The following CEP128 variants were observed in gnomAD, a reference collection of about 807,000 sequenced individuals.
CEP128 encodes the protein centrosomal protein 128.
Under a neutral mutation model 156.7 loss-of-function variants are expected in CEP128, and 132 were observed. The observed-to-expected ratio is 0.84, with a 90% CI of 0.73 to 0.97. The LOEUF (loss-of-function observed/expected upper bound fraction) is 0.97, where lower values mean the gene tolerates loss of function less well. Ranked by LOEUF, CEP128 falls within the 50% of genes least tolerant of loss-of-function variation. The pLI, the probability that CEP128 is intolerant of heterozygous loss-of-function variation, is 0.00. For synonymous variants in CEP128, 469 were observed against 448.9 expected (o/e 1.04, Z -0.57); for missense variants, 1,252 against 1,281.9 (o/e 0.98, Z 0.36).
chr14:80,618,150 T>C (rs1411363992), intron 19 of CEP128, among the ~76,000 whole-genome samples: 1 of 152,254 alleles, frequency 6.6e-6, no homozygotes, highest in Non-Finnish European at 1.5e-5. Flanking sequence ...CTGTATAAGA[T>C]ACTATGTCAA....
At chr14:80,613,044 C>T (rs538469858) in intron 19 of CEP128, among the ~76,000 whole-genome samples, 1 of 137,644 alleles carries the variant, frequency 7.3e-6, no homozygotes, top group Non-Finnish European at 1.5e-5. Flanking sequence ...TTAGTAGAGA[C>T]GGGGTTTCAC....
At chr14:80,734,578 G>A (rs1000700010) in intron 19 of CEP128, among the ~76,000 whole-genome samples, 31 of 151,938 alleles carry the variant, frequency 2.0e-4, no homozygotes, top group African/African-American at 4.6e-4. Context: ...GGCTGGGCAC[G>A]GTGGCTCACA....
chr14:80,575,680 C>A (rs975570950), intron 20 of CEP128, among the ~76,000 whole-genome samples: 5 of 152,124 alleles, frequency 3.3e-5, no homozygotes, highest in African/African-American at 1.2e-4. Flanking sequence ...TTTATTGCAA[C>A]CTGTCAGGCA....
intron 12 of CEP128, among the ~76,000 whole-genome samples, chr14:80,833,934 T>C (rs1341500942): frequency 1.3e-5 from 2 of 152,156 alleles, no homozygotes; most frequent in Non-Finnish European, 2.9e-5. Context: ...GGATGGAGGA[T>C]GATGCCACAC....
chr14:80,748,946 T>C (rs1472688505), intron 18 of CEP128, among the ~76,000 whole-genome samples: 5 of 152,152 alleles, frequency 3.3e-5, no homozygotes, highest in African/African-American at 1.2e-4. Flanking sequence ...CAAGCATGGC[T>C]GGCTTCACCT....
chr14:80,837,589 TGCCTGTAATCCCA>T (rs900504987), intron 11 of CEP128, among the ~76,000 whole-genome samples: 3 of 152,104 alleles, frequency 2.0e-5, no homozygotes, highest in African/African-American at 7.2e-5. Flanking sequence ...TGGTGGCGCA[TGCCTGTAATCCCA>T]GCTACTGGGA....
chr14:80,485,124 T>C (rs188583766), intron 14 of CEP128, among the ~76,000 whole-genome samples: 6 of 152,242 alleles, frequency 3.9e-5, no homozygotes, highest in Admixed American at 3.3e-4. Flanking sequence ...GTTCAGCCCA[T>C]ATCCAGTAAT....
intron 19 of CEP128, among the ~76,000 whole-genome samples, chr14:80,623,425 AT>A (rs1893575157): frequency 6.6e-6 from 1 of 151,954 alleles, no homozygotes; most frequent in African/African-American, 2.4e-5. Flanking sequence ...TAACCTGCAC[AT>A]TGTGCACATG....
At position 80,505,038 on chromosome 14, in the gene CEP128, C is replaced by G. The variant is rs530212340; in HGVS notation, c.3073-18G>C. On this transcript the variant is annotated intron_variant, in intron 23 of 24. Coordinates refer to ENST00000555265, the MANE Select transcript of CEP128 (RefSeq NM_152446.5). ...CTGTCACCCTAAGGAAAAAAAGGCA[C>G]AGCATTTCAATGATTACACAAGGTA... The G allele has an allele frequency of 1.4e-6, 2 of 1,386,612 alleles. No homozygotes were observed. The highest frequency in any genetic ancestry group is 4.7e-5 in the East Asian group (2 of 42,954). The allele number at this position is 1,386,612 out of a possible 1,614,324, so 85.9% of individuals were successfully genotyped here.
At chr14:80,569,604 C>G (rs1332364241) in intron 20 of CEP128, among the ~76,000 whole-genome samples, 3 of 152,018 alleles carry the variant, frequency 2.0e-5, no homozygotes, top group African/African-American at 7.3e-5. Context: ...CAAATTCTAC[C>G]AACAGAAATT....
intron 13 of CEP128, among the ~76,000 whole-genome samples, chr14:80,811,597 T>C (rs1376433431): frequency 6.6e-6 from 1 of 152,020 alleles, no homozygotes; most frequent in Non-Finnish European, 1.5e-5. Context: ...GAAAATGGCA[T>C]ATATATATAG....
At chr14:80,801,627 G>A (rs68145550) in intron 13 of CEP128, among the ~76,000 whole-genome samples, 14,866 of 151,882 alleles carry the variant, frequency 0.098, 1,239 homozygotes, top group East Asian at 0.43. Context: ...ACTCAACATC[G>A]GTCAGATGCG....
chr14:80,816,097 T>G (rs1336860610), intron 13 of CEP128, among the ~76,000 whole-genome samples: 1 of 152,124 alleles, frequency 6.6e-6, no homozygotes, highest in Non-Finnish European at 1.5e-5. Flanking sequence ...CCCCTTAAAT[T>G]TGTATACATT....
chr14:80,939,428 A>G lies in CEP128; in HGVS notation c.-59T>C, dbSNP rs528379968. 6.6e-6 allele frequency: 1 copy of G among 152,246 alleles called. No individual in the cohort carries two copies. The highest frequency in any genetic ancestry group is 2.1e-4 in the South Asian group (1 of 4,808). 9.4% of individuals were successfully genotyped at this position (152,246 alleles called of 1,614,324 possible). On this transcript the variant is annotated 5_prime_UTR_variant, in exon 2 of 25. Coordinates refer to ENST00000555265, the MANE Select transcript of CEP128 (RefSeq NM_152446.5). ...TCCGAGTTGCTCTTCTCTGAGCTCAACGCTCTTTTTAGGCACATATGTCTG... is the reference window on the plus strand; with the variant it reads ...TCCGAGTTGCTCTTCTCTGAGCTCAGCGCTCTTTTTAGGCACATATGTCTG...
chr14:80,593,487 G>GCCCAGAT (rs1413881381), intron 19 of CEP128, among the ~76,000 whole-genome samples: 1 of 142,920 alleles, frequency 7.0e-6, no homozygotes. Flanking sequence ...CTTGCAGTGA[G>GCCCAGAT]CCCAGATCAT....
intron 19 of CEP128, among the ~76,000 whole-genome samples, chr14:80,654,118 A>G (rs566112767): frequency 6.6e-6 from 1 of 152,136 alleles, no homozygotes; most frequent in African/African-American, 2.4e-5. Flanking sequence ...TTTTGACCTC[A>G]GGAGGAAGAG....
At chr14:80,760,536 A>C (rs1457052172) in intron 17 of CEP128, among the ~76,000 whole-genome samples, 1 of 152,142 alleles carries the variant, frequency 6.6e-6, no homozygotes, top group Non-Finnish European at 1.5e-5. Flanking sequence ...TCAATAGTAG[A>C]AACTGCTGAA....
intron 8 of CEP128, among the ~76,000 whole-genome samples, chr14:80,895,053 T>C (rs1033218535): frequency 1.3e-5 from 2 of 152,060 alleles, no homozygotes; most frequent in Non-Finnish European, 2.9e-5. Flanking sequence ...TGCAACAGTT[T>C]AGTGACCATT....
chr14:80,772,127 G>A (rs1327056450), intron 16 of CEP128, among the ~76,000 whole-genome samples: 2 of 152,154 alleles, frequency 1.3e-5, no homozygotes, highest in African/African-American at 4.8e-5. Flanking sequence ...CACAAAGGCT[G>A]CACCCTCAAG....
Sources: gnomAD v4.1 joint callset for allele counts (sites outside exome capture counted in the v4.1 genomes callset) on GRCh38, gnomAD v4.1.1 for gene constraint, MANE v1.5 for transcripts, NCBI Gene and HGNC (gene_info 2026-07-23, HGNC 2026-07-21) for gene names.